Variants in PLET1 observed in about 807,000 individuals in gnomAD.
PLET1 encodes placenta-expressed transcript 1 protein.
In PLET1, 20 loss-of-function variants were observed where a neutral mutation model predicts 18.5. The observed-to-expected ratio is 1.08, with a 90% confidence interval of 0.76 to 1.57. The LOEUF (loss-of-function observed/expected upper bound fraction) is 1.57. Ranked by LOEUF, PLET1 falls within the 40% of genes most tolerant of loss-of-function variation. The pLI is 0.00. For synonymous variants in PLET1, 93 were observed against 93.8 expected (o/e 0.99, Z 0.05); for missense variants, 256 against 246.4 (o/e 1.04, Z -0.26).
chr11:112,254,479 G>A lies in PLET1; in HGVS notation c.386+909C>T, dbSNP rs562098607. Among the ~76,000 whole-genome samples the A allele has an allele frequency of 5.1e-4, 73 of 144,296 alleles. 1 individual carries two copies. Among genetic ancestry groups the A allele is most frequent in the African/African-American group, 1.8e-3 (68 of 38,674 alleles). 94.7% of individuals were successfully genotyped at this position (144,296 alleles called of 152,430 possible). Reference sequence around the variant, plus strand: ...GTGTGTGGTGTGAGTGGTGCATGTGGTATGTATGTGTGTGTGGCATGAGTG... The same window carrying A: ...GTGTGTGGTGTGAGTGGTGCATGTGATATGTATGTGTGTGTGGCATGAGTG... On this transcript the variant is annotated intron_variant, in intron 2 of 3. Coordinates refer to ENST00000338832, the MANE Select transcript of PLET1 (RefSeq NM_001145024.1).
intron 1 of PLET1, among the ~76,000 whole-genome samples, chr11:112,258,194 G>A (rs1860245083): frequency 6.6e-6 from 1 of 151,460 alleles, no homozygotes; most frequent in Admixed American, 6.6e-5. Context: ...GGATCATGTT[G>A]ACTCATCTTT....
intron 3 of PLET1, among the ~76,000 whole-genome samples, chr11:112,251,109 G>C (rs556023651): frequency 1.2e-4 from 18 of 152,158 alleles, no homozygotes; most frequent in Non-Finnish European, 2.5e-4. Context: ...GTTGAATCTT[G>C]TATTTAAAAA....
Position 112,255,593 on chromosome 11 carries a change from G to A in PLET1, c.185-4C>T. ...CTGTCATTCACGGGAACAAATACTGGGAGGAAATGATGAAGAAGCAATCAG... is the reference window on the plus strand; with the variant it reads ...CTGTCATTCACGGGAACAAATACTGAGAGGAAATGATGAAGAAGCAATCAG... On this transcript the variant is annotated splice_region_variant and splice_polypyrimidine_tract_variant and intron_variant, in intron 1 of 3. Coordinates refer to ENST00000338832, the MANE Select transcript of PLET1 (RefSeq NM_001145024.1). 1 of 1,550,392 alleles carries A rather than the reference G, an allele frequency of 6.4e-7. No individual in the cohort carries two copies. Among genetic ancestry groups the A allele is most frequent in the East Asian group, 2.4e-5 (1 of 40,914 alleles).
At chr11:112,252,288 A>T (rs1355463456) in intron 3 of PLET1, 60 bp downstream of exon 3, 1 of 1,449,336 alleles carries the variant, frequency 6.9e-7, no homozygotes, top group African/African-American at 1.4e-5. Context: ...CCCACAAGGT[A>T]ATTTTCCAGG....
chr11:112,255,402 A>T lies in PLET1; in HGVS notation c.372T>A (p.Thr124=), dbSNP rs1349280771. ...QWQAPEPENI[T]EVEIQAFTVQ... is the part of the protein sequence containing the mutation. The stretch of plus-strand genomic sequence containing the variant: ...TAGGTTCTTACTGTATCTCCACTTC[A>T]GTTATGTTCTCAGGTTCAGGAGCTT... Residue 124 remains threonine (T), a synonymous_variant, in exon 2 of 4, where the codon ACT becomes ACA. Transcript: ENST00000338832. 36 of 1,552,122 alleles carry T rather than the reference A, an allele frequency of 2.3e-5. No individual in the cohort carries two copies. The highest frequency in any genetic ancestry group is 3.1e-5 in the Non-Finnish European group (35 of 1,147,036).
chr11:112,252,214 C>T lies in PLET1; in HGVS notation c.448+134G>A, dbSNP rs1860163702. ...CAAATATTCTATAGGTCTCAAGGTG[C>T]AGGGAGACTCAACTGATAGATAGCT... On this transcript the variant is annotated intron_variant, in intron 3 of 3. Coordinates refer to ENST00000338832, the MANE Select transcript of PLET1 (RefSeq NM_001145024.1). The T allele has an allele frequency of 7.5e-6, 6 of 801,470 alleles. 1 individual carries two copies. In the South Asian group the frequency reaches 8.8e-5, roughly 12 times the overall value. The allele number at this position is 801,470 out of a possible 1,614,324, so 49.6% of individuals were successfully genotyped here.
chr11:112,255,308 GTCC>G, intron 2 of PLET1, 77 bp downstream of exon 2: 1 of 1,373,888 alleles, frequency 7.3e-7, no homozygotes, highest in South Asian at 1.2e-5. Context: ...TGTATTTTAA[GTCC>G]TCCTAGCTTA....
At chr11:112,255,840 T>G (rs897675054) in intron 1 of PLET1, among the ~76,000 whole-genome samples, 2 of 152,214 alleles carry the variant, frequency 1.3e-5, no homozygotes, top group East Asian at 1.9e-4. Flanking sequence ...GCTTTTTGGT[T>G]GTTTTCCAAA....
At chr11:112,253,134 T>C (rs891315989) in intron 2 of PLET1, among the ~76,000 whole-genome samples, 1 of 152,138 alleles carries the variant, frequency 6.6e-6, no homozygotes, top group East Asian at 1.9e-4. Context: ...AAAGAATTGA[T>C]CTGTGATGTA....
Position 112,255,600 on chromosome 11 carries a change from A to G in PLET1, c.185-11T>C, listed in dbSNP as rs957144241. ...TCACGGGAACAAATACTGGGAGGAAATGATGAAGAAGCAATCAGCCATCTG... is the reference window on the plus strand; with the variant it reads ...TCACGGGAACAAATACTGGGAGGAAGTGATGAAGAAGCAATCAGCCATCTG... On this transcript the variant is annotated splice_polypyrimidine_tract_variant and intron_variant, in intron 1 of 3. Transcript: ENST00000338832. 14 of 1,549,366 alleles carry G rather than the reference A, an allele frequency of 9.0e-6. No individual in the cohort carries two copies. Among genetic ancestry groups the G allele is most frequent in the African/African-American group, 2.7e-5 (2 of 72,980 alleles).
At chr11:112,252,558 G>A (rs1860167147) in intron 2 of PLET1, 149 bp from the exon 3 acceptor site, 1 of 689,348 alleles carries the variant, frequency 1.5e-6, no homozygotes. Context: ...ATACTGGTCT[G>A]CTTTTGATTG....
chr11:112,254,538 TG>T (rs1211188719), intron 2 of PLET1, among the ~76,000 whole-genome samples: 5 of 112,800 alleles, frequency 4.4e-5, no homozygotes, highest in Non-Finnish European at 8.5e-5. Context: ...GTGTGTGGTA[TG>T]TGTGTGTGTG....
chr11:112,250,136 T>C (rs1860139385), intron 3 of PLET1, among the ~76,000 whole-genome samples: 1 of 150,910 alleles, frequency 6.6e-6, no homozygotes, highest in South Asian at 2.1e-4. Flanking sequence ...ACCCAGACAG[T>C]TGGAATGCAA....
chr11:112,248,871 T>A lies in PLET1; in HGVS notation c.552A>T (p.Gln184His). Residue 184 changes from glutamine (Q) to histidine (H), a missense_variant, in exon 4 of 4, where the codon CAA becomes CAT. Gln to His is a conservative substitution (Grantham distance 24). Coordinates refer to ENST00000338832, the MANE Select transcript of PLET1 (RefSeq NM_001145024.1). ...KSIRLEGLAN[Q>H]VFSSPITEAI... ...CCTCTGTGATGGGGCTGCTGAAGACTTGGTTGGCCAAGCCTTCGAGTCTGA... is the reference window on the plus strand; with the variant it reads ...CCTCTGTGATGGGGCTGCTGAAGACATGGTTGGCCAAGCCTTCGAGTCTGA... 1 of 1,551,554 alleles carries A rather than the reference T, an allele frequency of 6.4e-7. No homozygotes were observed. Among genetic ancestry groups the A allele is most frequent in the Non-Finnish European group, 8.7e-7 (1 of 1,146,992 alleles).
chr11:112,250,737 C>T (rs1022063879), intron 3 of PLET1, among the ~76,000 whole-genome samples: 2 of 152,132 alleles, frequency 1.3e-5, no homozygotes, highest in African/African-American at 2.4e-5. Flanking sequence ...CTGCCACTCA[C>T]CTTGAATTCC....
chr11:112,256,580 G>A (rs1233357374), intron 1 of PLET1, among the ~76,000 whole-genome samples: 1 of 152,192 alleles, frequency 6.6e-6, no homozygotes, highest in Non-Finnish European at 1.5e-5. Context: ...CATTATCTGA[G>A]ATCATGATAC....
chr11:112,257,706 G>A (rs1010206372), intron 1 of PLET1, among the ~76,000 whole-genome samples: 1 of 152,108 alleles, frequency 6.6e-6, no homozygotes, highest in African/African-American at 2.4e-5. Context: ...AACAGACCCA[G>A]GAAACCTGTT....
chr11:112,254,425 C>T (rs1244901152), intron 2 of PLET1, among the ~76,000 whole-genome samples: 5 of 117,488 alleles, frequency 4.3e-5, no homozygotes, highest in South Asian at 2.9e-4. Context: ...ATGGTATGTA[C>T]GTGTGTGTGG....
At chr11:112,257,083 C>G (rs1860231805) in intron 1 of PLET1, among the ~76,000 whole-genome samples, 1 of 152,212 alleles carries the variant, frequency 6.6e-6, no homozygotes, top group Non-Finnish European at 1.5e-5. Flanking sequence ...TAGAGCATGT[C>G]AACATTTCTG....
Sources: gnomAD v4.1 joint callset for allele counts (sites outside exome capture counted in the v4.1 genomes callset) on GRCh38, gnomAD v4.1.1 for gene constraint, MANE v1.5 for transcripts, NCBI Gene and HGNC (gene_info 2026-07-23, HGNC 2026-07-21) for gene names.